Variants in ABRAXAS1 observed in about 807,000 individuals in gnomAD.
The protein encoded by ABRAXAS1 is BRCA1-A complex subunit Abraxas 1.
In ABRAXAS1, 26 loss-of-function variants were observed where a neutral mutation model predicts 38.4. That is an observed-to-expected ratio of 0.68 (90% CI 0.50 to 0.94). The LOEUF is 0.94. Among genes scored for constraint, ABRAXAS1 ranks in the 40% least tolerant of loss-of-function variants. The probability of loss-of-function intolerance (pLI) is 0.00; values close to 1 mark genes in which losing one functional copy is unlikely to be tolerated. For missense variants in ABRAXAS1, 438 were observed against 481.9 expected, an observed-to-expected ratio of 0.91 and a Z score of 0.85; for synonymous variants, 144 against 165.5, an observed-to-expected ratio of 0.87 and a Z score of 1.00.
In ABRAXAS1 at chr4:83,462,134, C is replaced by G. The variant is rs928047344; in HGVS notation, c.*335G>C. 1.2e-5 allele frequency: 3 copies of G among 260,788 alleles called. No homozygotes were observed. Among genetic ancestry groups the G allele is most frequent in the Non-Finnish European group, 2.2e-5 (3 of 137,276 alleles). The allele number at this position is 260,788 out of a possible 1,614,324, so 16.2% of individuals were successfully genotyped here. On this transcript the variant is annotated 3_prime_UTR_variant, in exon 9 of 9. Transcript: ENST00000321945. ...TCTCTAACTCCTAACTTCAATCAAT[C>G]CTCCTGACTTGTCTTCCCTAAGTGC...
At chr4:83,483,244 G>A (rs1723059055) in intron 1 of ABRAXAS1, among the ~76,000 whole-genome samples, 1 of 151,342 alleles carries the variant, frequency 6.6e-6, no homozygotes, top group Admixed American at 6.6e-5. Context: ...CACACTTAAA[G>A]ACCCAATGTG....
In ABRAXAS1 at chr4:83,462,583, T is replaced by G; in HGVS notation, c.1116A>C (p.Ala372=). 1 of 1,614,188 alleles carries G rather than the reference T, an allele frequency of 6.2e-7. No individual in the cohort carries two copies. The highest frequency in any genetic ancestry group is 8.5e-7 in the Non-Finnish European group (1 of 1,180,022). The change falls in exon 9 of 9, where the codon GCA becomes GCC. Residue 372 remains alanine (A), a synonymous_variant. Coordinates refer to ENST00000321945, the MANE Select transcript of ABRAXAS1 (RefSeq NM_139076.3). The part of the protein sequence containing the change: ...LLDTQDKRSK[A]DTGSSNQDKA... ...TATCTTGGTTACTACTACCAGTATC[T>G]GCTTTAGATCGTTTGTCTTGTGTAT...
intron 3 of ABRAXAS1, among the ~76,000 whole-genome samples, chr4:83,473,112 A>T (rs1411833369): frequency 6.6e-6 from 1 of 152,158 alleles, no homozygotes. Context: ...AACCCTGTCT[A>T]CATAAAAAAT....
intron 4 of ABRAXAS1, among the ~76,000 whole-genome samples, chr4:83,471,441 C>T (rs1051868765): frequency 1.3e-5 from 2 of 151,830 alleles, no homozygotes; most frequent in African/African-American, 2.4e-5. Context: ...AACTCCTGAC[C>T]TCGTGATCCG....
rs1217644838 is a variant in ABRAXAS1, at chr4:83,463,485, TTTAC to T, written c.796+5_796+8del. On this transcript the variant is annotated splice_donor_5th_base_variant and intron_variant, in intron 8 of 8. Coordinates refer to ENST00000321945, the MANE Select transcript of ABRAXAS1 (RefSeq NM_139076.3). Reference sequence around the variant, plus strand: ...TAGCACAGAAAGTAGAGATGTGTTGTTTACTTACTTGCTGCCTGAATCTGTGCTC... The same window carrying T: ...TAGCACAGAAAGTAGAGATGTGTTGTTTACTTGCTGCCTGAATCTGTGCTC... The T allele has an allele frequency of 5.8e-6, 9 of 1,559,200 alleles. No individual in the cohort carries two copies. Among genetic ancestry groups the T allele is most frequent in the Non-Finnish European group, 7.9e-6 (9 of 1,142,816 alleles).
chr4:83,478,003 C>T (rs566688736), intron 2 of ABRAXAS1: 2 of 963,518 alleles, frequency 2.1e-6, no homozygotes, highest in African/African-American at 1.6e-5. Flanking sequence ...GCAGCTTCAT[C>T]GATATATACC....
At chr4:83,484,924 G>A (rs920810775) in intron 1 of ABRAXAS1, 62 bp downstream of exon 1, 23 of 1,414,406 alleles carry the variant, frequency 1.6e-5, no homozygotes, top group Admixed American at 8.4e-5. Flanking sequence ...ACAGCGGGGA[G>A]GCAGGCCGCG....
In ABRAXAS1 at chr4:83,472,232, T is replaced by A. The variant is rs767146349; in HGVS notation, c.272A>T (p.Asn91Ile). The A allele has an allele frequency of 2.2e-5, 33 of 1,521,238 alleles. No homozygotes were observed. In the Admixed American group the frequency reaches 4.6e-4, roughly 21 times the overall value. 94.2% of individuals were successfully genotyped at this position (1,521,238 alleles called of 1,614,324 possible). ...NEQALKKILSNVKKNVVGWYK... is the reference protein window; with the variant it reads ...NEQALKKILSIVKKNVVGWYK... ...TAAATTAGAGAATACCTTTTTGACATTTGATAATATTTTCTTCAGTGCTTG... is the reference window on the plus strand; with the variant it reads ...TAAATTAGAGAATACCTTTTTGACAATTGATAATATTTTCTTCAGTGCTTG... Residue 91 changes from asparagine (N) to isoleucine (I), a missense_variant, in exon 4 of 9, where the codon AAT becomes ATT. Coordinates refer to ENST00000321945, the MANE Select transcript of ABRAXAS1 (RefSeq NM_139076.3).
rs573127226 is a variant in ABRAXAS1, at chr4:83,480,297, G to A, written c.178+1857C>T. On this transcript the variant is annotated intron_variant, in intron 2 of 8. Coordinates refer to ENST00000321945, the MANE Select transcript of ABRAXAS1 (RefSeq NM_139076.3). ...CGAGGCAGGAGAATCGCTTGACCTCGAGAGGCAGAGGTTGCAGTGAGCCGA... is the reference window on the plus strand; with the variant it reads ...CGAGGCAGGAGAATCGCTTGACCTCAAGAGGCAGAGGTTGCAGTGAGCCGA... 1,010 of 366,786 alleles carry A rather than the reference G, an allele frequency of 2.8e-3. 1 individual carries two copies. Among genetic ancestry groups the A allele is most frequent in the Non-Finnish European group, 4.1e-3 (762 of 185,918 alleles). The allele number at this position is 366,786 out of a possible 1,614,324, so 22.7% of individuals were successfully genotyped here.
At position 83,479,952 on chromosome 4, in the gene ABRAXAS1, C is replaced by A. The variant is rs571700347; in HGVS notation, c.178+2202G>T. The A allele has an allele frequency of 2.6e-3, 329 of 125,950 alleles. 5 individuals are homozygous for A. Among genetic ancestry groups the A allele is most frequent in the Non-Finnish European group, 1.3e-3 (84 of 63,634 alleles). 7.8% of individuals were successfully genotyped at this position (125,950 alleles called of 1,614,324 possible). A position where few individuals can be genotyped will look rare whatever the true frequency, so the allele number is the denominator to read the frequency against. ...CTCCAGCCTGGCTGAAAGAGCAAGA[C>A]CTCATCTCAAAAAAAAAAAAAACAA... On this transcript the variant is annotated intron_variant, in intron 2 of 8. Transcript: ENST00000321945.
At chr4:83,473,579 T>A (rs780527266) in intron 3 of ABRAXAS1, among the ~76,000 whole-genome samples, 1 of 151,986 alleles carries the variant, frequency 6.6e-6, no homozygotes, top group Non-Finnish European at 1.5e-5. Context: ...TGAGACACGG[T>A]CTCGCTCTGT....
rs142966377 is a variant in ABRAXAS1, at chr4:83,477,337, T to C, written c.179-658A>G. On this transcript the variant is annotated intron_variant, in intron 2 of 8. Transcript: ENST00000321945. ...GCTCTAAGGGCTTGCTTTTATTTTT[T>C]AATTTTTAAAAAATAATCTTGTATT... Among the ~76,000 whole-genome samples, 848 of 152,272 alleles carry C rather than the reference T, an allele frequency of 5.6e-3. 8 individuals carry two copies. Among genetic ancestry groups the C allele is most frequent in the African/African-American group, 0.019 (783 of 41,534 alleles).
Position 83,485,100 on chromosome 4 carries a change from G to C in ABRAXAS1, c.-28C>G, listed in dbSNP as rs753501525. The C allele has an allele frequency of 1.3e-6, 2 of 1,538,084 alleles. No individual in the cohort carries two copies. The highest frequency in any genetic ancestry group is 1.4e-5 in the African/African-American group (1 of 70,424). ...TACCGCCGCCTCAGGCTACACAAGA[G>C]GACGAGGGCGGGGCGCGCGGAGGCA... is the stretch of plus-strand genomic sequence containing the variant. On this transcript the variant is annotated 5_prime_UTR_variant, in exon 1 of 9. Transcript: ENST00000321945.
chr4:83,485,042 A>G lies in ABRAXAS1; in HGVS notation c.31T>C (p.Ser11Pro). Residue 11 changes from serine (S) to proline (P), a missense_variant, in exon 1 of 9, where the codon TCG becomes CCG. This residue lies in a region of ABRAXAS1 where 60 missense variants were observed against 31.1 expected (regional missense o/e 1.93). Coordinates refer to ENST00000321945, the MANE Select transcript of ABRAXAS1 (RefSeq NM_139076.3). ...GCGAGTGCGCCGAGCACAAAGCCCG[A>G]GAGCACCGCCGACGTACTCTCCCCC... Reference protein sequence around the residue: MEGESTSAVLSGFVLGALAFQ... With the variant: MEGESTSAVLPGFVLGALAFQ... 4 of 1,595,932 alleles carry G rather than the reference A, an allele frequency of 2.5e-6. No homozygotes were observed. Among genetic ancestry groups the G allele is most frequent in the Middle Eastern group, 1.7e-4 (1 of 5,988 alleles).
intron 8 of ABRAXAS1, among the ~76,000 whole-genome samples, 167 bp from the exon 9 acceptor site, chr4:83,463,069 T>C (rs892902517): frequency 2.0e-5 from 3 of 152,328 alleles, no homozygotes; most frequent in African/African-American, 4.8e-5. Context: ...CACAGTATTC[T>C]AAGACAAAAT....
Position 83,470,193 on chromosome 4 carries a change from C to A in ABRAXAS1, c.476+10G>T. 6.3e-7 allele frequency: 1 copy of A among 1,594,662 alleles called. No individual in the cohort carries two copies. Among genetic ancestry groups the A allele is most frequent in the South Asian group, 1.1e-5 (1 of 88,384 alleles). ...TAGTTTAATACAGCCAGTGACTGGC[C>A]AACATTTACCCTTTTTGAGGTTTAT... On this transcript the variant is annotated intron_variant, in intron 5 of 8. Transcript: ENST00000321945.
At chr4:83,471,700 C>T (rs1722596758) in intron 4 of ABRAXAS1, among the ~76,000 whole-genome samples, 1 of 151,910 alleles carries the variant, frequency 6.6e-6, no homozygotes, top group African/African-American at 2.4e-5. Context: ...CAGTATCTAT[C>T]AAAAATAATA....
intron 2 of ABRAXAS1, chr4:83,478,444 C>G (rs1722865059): frequency 3.6e-5 from 17 of 469,800 alleles, no homozygotes; most frequent in Non-Finnish European, 6.7e-5. Context: ...TATATGTGAG[C>G]CCAGCCCTGC....
At chr4:83,470,434 T>G (rs1206631937) in intron 4 of ABRAXAS1, 38 bp from the exon 5 acceptor site, 1 of 1,431,948 alleles carries the variant, frequency 7.0e-7, no homozygotes, top group South Asian at 1.3e-5. Context: ...ATCTTAATAG[T>G]TACAATGATA....
Sources: allele counts gnomAD v4.1 joint callset (sites outside exome capture counted in the v4.1 genomes callset), GRCh38; gene constraint gnomAD v4.1.1; regional missense constraint gnomAD v4.1.1; transcripts MANE v1.5; gene names NCBI Gene and HGNC (gene_info 2026-07-23, HGNC 2026-07-21).